TSHZ3: variants seen among roughly 807,000 people sequenced by gnomAD.
TSHZ3 encodes teashirt zinc finger homeobox 3.
A neutral mutation model predicts 64.5 loss-of-function variants in TSHZ3; 10 were observed. The ratio of observed to expected loss-of-function variants is 0.16; its 90% CI spans 0.10 to 0.26. The LOEUF is 0.26. Ranked by LOEUF, TSHZ3 falls within the 10% of genes least tolerant of loss-of-function variation. TSHZ3 has a pLI of 1.00. For missense variants in TSHZ3, 1,242 were observed against 1,421.7 expected, an observed-to-expected ratio of 0.87 and a Z score of 2.03; for synonymous variants, 608 against 593.1, an observed-to-expected ratio of 1.03 and a Z score of -0.36.
At chr19:31,179,908 G>A (rs555560235) in intron 5 of TSHZ3, among the ~76,000 whole-genome samples, 16 of 152,116 alleles carry the variant, frequency 1.1e-4, no homozygotes, top group East Asian at 1.9e-4. Flanking sequence ...GCCACTCAGC[G>A]TTCTAAGGGC....
chr19:31,278,633 T>G lies in TSHZ3; in HGVS notation c.1160A>C (p.Lys387Thr). The change falls in exon 2 of 2, where the codon AAG (lysine) becomes ACG (threonine). Residue 387 changes from lysine (K) to threonine (T), a missense_variant. Around this residue, in one of 4 missense-constraint regions of TSHZ3, gnomAD observed 555 missense variants for 704.0 expected, o/e 0.79. Coordinates refer to ENST00000240587, the MANE Select transcript of TSHZ3 (RefSeq NM_020856.4). This position sits in a 1 kb window ranked among gnomAD's most constrained non-coding sequence, Gnocchi z 4.7. ...HFEARKSQILKCMECGSSHDT... is the reference protein window; with the variant it reads ...HFEARKSQILTCMECGSSHDT... ...ATGCGAGCTCCCACACTCCATGCAC[T>G]TCAGGATCTGCGACTTCCGGGCCTC... 1 of 1,614,168 alleles carries G rather than the reference T, an allele frequency of 6.2e-7. No homozygotes were observed. Among genetic ancestry groups the G allele is most frequent in the Non-Finnish European group, 8.5e-7 (1 of 1,180,002 alleles).
chr19:31,238,179 G>A (rs1319208589), intron 3 of TSHZ3, among the ~76,000 whole-genome samples: 2 of 151,678 alleles, frequency 1.3e-5, no homozygotes, highest in African/African-American at 4.8e-5. Context: ...ATTACCAAAA[G>A]AGAAATGTTA....
intron 1 of TSHZ3, among the ~76,000 whole-genome samples, chr19:31,288,249 C>A (rs1027373149): frequency 6.6e-6 from 1 of 152,186 alleles, no homozygotes; most frequent in Non-Finnish European, 1.5e-5. Flanking sequence ...CTCATGCACA[C>A]CAGTCTCTGC....
At chr19:31,214,531 T>A (rs10418212) in intron 4 of TSHZ3, among the ~76,000 whole-genome samples, 93,110 of 152,054 alleles carry the variant, frequency 0.61, 28,702 homozygotes, top group Middle Eastern at 0.71. Flanking sequence ...CATACCTGGA[T>A]AAGGCATTGC....
intron 1 of TSHZ3, among the ~76,000 whole-genome samples, chr19:31,293,616 T>C (rs1204355879): frequency 6.6e-6 from 1 of 152,200 alleles, no homozygotes; most frequent in Non-Finnish European, 1.5e-5. Context: ...TTAATTTCTG[T>C]GATGAGACAA....
chr19:31,191,353 C>A (rs766073353), intron 5 of TSHZ3, among the ~76,000 whole-genome samples: 3 of 152,040 alleles, frequency 2.0e-5, no homozygotes, highest in Non-Finnish European at 4.4e-5. Context: ...AATTTCTAGT[C>A]GGAAACAATG....
At chr19:31,193,427 G>T (rs890572141) in intron 5 of TSHZ3, among the ~76,000 whole-genome samples, 5 of 152,132 alleles carry the variant, frequency 3.3e-5, no homozygotes. Context: ...TGATGGATGA[G>T]GGAACAATCT....
Position 31,301,404 on chromosome 19 carries a change from C to T in TSHZ3, c.41-21652G>A, listed in dbSNP as rs145187581. Among the ~76,000 whole-genome samples, 36 of 152,318 alleles carry T rather than the reference C, an allele frequency of 2.4e-4. No individual in the cohort carries two copies. In the East Asian group the frequency reaches 6.6e-3, roughly 28 times the overall value. On this transcript the variant is annotated intron_variant, in intron 1 of 1. Transcript: ENST00000240587. ...AGAGCAAATGACAGGTGTACAGAGG[C>T]AATTATTGAAATTAAAACTTAGATG... is the stretch of plus-strand genomic sequence containing the variant.
At chr19:31,173,418 T>C (rs1363494786) in intron 5 of TSHZ3, among the ~76,000 whole-genome samples, 2 of 152,202 alleles carry the variant, frequency 1.3e-5, no homozygotes, top group Non-Finnish European at 2.9e-5. Context: ...CCTATAGTGT[T>C]TAACTCAGTA....
intron 3 of TSHZ3, among the ~76,000 whole-genome samples, chr19:31,235,580 C>CTCTTTCTTTTTTCTT (rs71173955): frequency 6.7e-6 from 1 of 149,914 alleles, no homozygotes; most frequent in African/African-American, 2.5e-5. Flanking sequence ...TTCTTTCCTT[C>CTCTTTCTTTTTTCTT]TCTTTTTTCT....
At chr19:31,340,610 C>T (rs1917404189) in intron 1 of TSHZ3, among the ~76,000 whole-genome samples, 2 of 152,152 alleles carry the variant, frequency 1.3e-5, no homozygotes, top group South Asian at 4.2e-4. Flanking sequence ...AGCTGTCAAA[C>T]TTGAGAAGGA....
At chr19:31,165,295 A>T (rs1426335314) in intron 5 of TSHZ3, among the ~76,000 whole-genome samples, 1 of 152,234 alleles carries the variant, frequency 6.6e-6, no homozygotes, top group Non-Finnish European at 1.5e-5. Flanking sequence ...ACTTCAGGTG[A>T]CCTTTCCCAG....
intron 4 of TSHZ3, among the ~76,000 whole-genome samples, chr19:31,224,676 A>G (rs559257863): frequency 8.5e-5 from 13 of 152,348 alleles, no homozygotes; most frequent in Non-Finnish European, 1.9e-4. Context: ...AAATCATATC[A>G]TTGCTATTCA....
chr19:31,212,583 C>T (rs997291973), intron 4 of TSHZ3, among the ~76,000 whole-genome samples: 17 of 152,150 alleles, frequency 1.1e-4, no homozygotes, highest in African/African-American at 4.1e-4. Context: ...AAATCGAGAA[C>T]ACTGACAACT....
chr19:31,223,082 C>T (rs1975411579), intron 4 of TSHZ3, among the ~76,000 whole-genome samples: 2 of 152,250 alleles, frequency 1.3e-5, no homozygotes, highest in Admixed American at 1.3e-4. Context: ...TTAGAGATTC[C>T]ATGTCCCTGT....
At chr19:31,339,266 G>A (rs958800246) in intron 1 of TSHZ3, among the ~76,000 whole-genome samples, 3 of 151,948 alleles carry the variant, frequency 2.0e-5, no homozygotes, top group Non-Finnish European at 4.4e-5. Flanking sequence ...ATGAGAAAGG[G>A]GGGAAAAAAA....
chr19:31,267,115 G>A (rs1231597902), intron 1 of TSHZ3, among the ~76,000 whole-genome samples: 1 of 152,310 alleles, frequency 6.6e-6, no homozygotes, highest in East Asian at 1.9e-4. Flanking sequence ...CCTCTCTCCA[G>A]CTTGACTCCA....
chr19:31,266,984 G>T lies in TSHZ3; in HGVS notation n.64-24109C>A, dbSNP rs542291704. ...CCGGCCCAAGGAAGTGCTCCTGGCC[G>T]GCCCACTTCAAGTTTCAGGGTTTGA... is the stretch of plus-strand genomic sequence containing the variant. On this transcript the variant is annotated intron_variant and non_coding_transcript_variant, in intron 1 of 6. Transcript: ENST00000651361. 2.0e-5 allele frequency among the ~76,000 whole-genome samples: 3 copies of T among 152,282 alleles called. No individual in the cohort carries two copies. In the East Asian group the frequency reaches 5.8e-4, roughly 30 times the overall value.
At chr19:31,285,387 G>A (rs1389017637) in intron 1 of TSHZ3, among the ~76,000 whole-genome samples, 2 of 151,744 alleles carry the variant, frequency 1.3e-5, no homozygotes, top group Non-Finnish European at 2.9e-5. Flanking sequence ...GGCTGAGGCA[G>A]GAGCATCGCT....
Sources: gnomAD v4.1 joint callset for allele counts (sites outside exome capture counted in the v4.1 genomes callset) on GRCh38, gnomAD v4.1.1 for gene constraint, gnomAD v4.1.1 regional missense constraint, Gnocchi (gnomAD v3.1) non-coding constraint, MANE v1.5 for transcripts, NCBI Gene and HGNC (gene_info 2026-07-23, HGNC 2026-07-21) for gene names.